The following TVP23C variants were observed in gnomAD, a reference collection of about 807,000 sequenced individuals.
TVP23C encodes Golgi apparatus membrane protein TVP23 homolog C.
TVP23C carries 19 observed loss-of-function variants against 28.7 expected under a neutral mutation model. The observed-to-expected ratio is 0.66, with a 90% CI of 0.46 to 0.97. TVP23C has a LOEUF of 0.97. Among genes scored for constraint, TVP23C ranks in the 50% least tolerant of loss-of-function variants. TVP23C has a pLI of 0.00. For missense variants in TVP23C, 186 were observed against 241.3 expected (o/e 0.77, Z 1.52); for synonymous variants, 68 against 81.7 (o/e 0.83, Z 0.90).
Position 15,505,774 on chromosome 17 carries a change from CG to C in TVP23C, c.463-2543del, listed in dbSNP as rs561902377. On this transcript the variant is annotated intron_variant, in intron 5 of 5. Coordinates refer to the TVP23C transcript ENST00000225576. Reference sequence around the variant, plus strand: ...GAGTTCCGGGTGGGCGTGGGCTTGGCGGGCCCCGCACTCGGAGCAGCCGGCC... The same window carrying C: ...GAGTTCCGGGTGGGCGTGGGCTTGGCGGCCCCGCACTCGGAGCAGCCGGCC... Among the ~76,000 whole-genome samples, 247 of 148,642 alleles carry C rather than the reference CG, an allele frequency of 1.7e-3. 1 individual carries two copies. The highest frequency in any genetic ancestry group is 5.5e-3 in the African/African-American group (221 of 40,136).
At chr17:15,507,482 A>T in intron 5 of TVP23C, 1 of 419,084 alleles carries the variant, frequency 2.4e-6, no homozygotes, top group South Asian at 2.6e-5. Flanking sequence ...TTTGGGTTCC[A>T]TGTTTTCCTT....
chr17:15,536,391 T>C (rs556919953), downstream of TVP23C, among the ~76,000 whole-genome samples: 4 of 152,310 alleles, frequency 2.6e-5, no homozygotes, highest in South Asian at 6.2e-4. Flanking sequence ...CTTTTAAGGA[T>C]ACTTCCTGGA....
intron 5 of TVP23C, among the ~76,000 whole-genome samples, chr17:15,526,765 A>G (rs1378688549): frequency 1.3e-5 from 2 of 152,188 alleles, no homozygotes; most frequent in African/African-American, 4.8e-5. Context: ...GGGCTTGGGG[A>G]GAAAGGCAAC....
At chr17:15,505,809 T>G (rs1256687216) in intron 5 of TVP23C, among the ~76,000 whole-genome samples, 1 of 152,172 alleles carries the variant, frequency 6.6e-6, no homozygotes. Flanking sequence ...CCAGCCCTGC[T>G]GCCCCGGGCA....
At chr17:15,521,575 G>C (rs1465000916) in intron 5 of TVP23C, among the ~76,000 whole-genome samples, 6 of 152,140 alleles carry the variant, frequency 3.9e-5, no homozygotes, top group Non-Finnish European at 8.8e-5. Flanking sequence ...TATTCAAATA[G>C]AGAAATGTAA....
downstream of TVP23C, among the ~76,000 whole-genome samples, chr17:15,536,331 A>G (rs568053329): frequency 2.6e-5 from 4 of 152,234 alleles, no homozygotes; most frequent in Admixed American, 6.5e-5. Context: ...AGTTTCTGCT[A>G]TTGTGTCTAC....
chr17:15,531,498 C>G (rs951614622), intron 5 of TVP23C, among the ~76,000 whole-genome samples: 2 of 152,070 alleles, frequency 1.3e-5, no homozygotes, highest in Admixed American at 1.3e-4. Flanking sequence ...TTTTTTCTTT[C>G]TGTTCCTCGG....
At chr17:15,526,382 TC>T (rs1047513191) in intron 5 of TVP23C, among the ~76,000 whole-genome samples, 21 of 152,172 alleles carry the variant, frequency 1.4e-4, no homozygotes. Flanking sequence ...AAGCTACTGA[TC>T]CCCCAATCCT....
At chr17:15,524,668 A>C (rs1309397989) in intron 5 of TVP23C, among the ~76,000 whole-genome samples, 1 of 152,018 alleles carries the variant, frequency 6.6e-6, no homozygotes, top group Non-Finnish European at 1.5e-5. Flanking sequence ...CCTCTTCTCC[A>C]TCCCTCTGTT....
intron 5 of TVP23C, among the ~76,000 whole-genome samples, chr17:15,509,299 A>G (rs1412811902): frequency 2.6e-5 from 4 of 152,184 alleles, no homozygotes; most frequent in Admixed American, 2.6e-4. Context: ...AGCCCACATA[A>G]ACCCCTTAGT....
Position 15,545,824 on chromosome 17 carries a change from A to G in TVP23C, c.423T>C (p.Phe141=). The G allele has an allele frequency of 6.2e-7, 1 of 1,614,146 alleles. No homozygotes were observed. Among genetic ancestry groups the G allele is most frequent in the Non-Finnish European group, 8.5e-7 (1 of 1,180,000 alleles). ...LIACSVLWVI[F]AFSALFSFTV... The stretch of plus-strand genomic sequence containing the variant: ...TGAAGGAGAAGAGTGCACTAAAGGC[A>G]AATATCACCCACAGTACTGAACAGG... The change falls in exon 5 of 6, where the codon TTT becomes TTC. Residue 141 remains phenylalanine, a synonymous_variant. Transcript: ENST00000518321.
At chr17:15,561,865 G>A (rs1166043278) in intron 1 of TVP23C, among the ~76,000 whole-genome samples, 1 of 152,130 alleles carries the variant, frequency 6.6e-6, no homozygotes, top group Non-Finnish European at 1.5e-5. Context: ...CAAAATACAG[G>A]TCATAAAGAC....
chr17:15,563,469 G>C lies in TVP23C; in HGVS notation c.-21C>G, dbSNP rs377260184. 8.5e-4 allele frequency: 1,339 copies of C among 1,580,906 alleles called. 16 individuals carry two copies. In the African/African-American group the frequency reaches 0.016, roughly 19 times the overall value. On this transcript the variant is annotated 5_prime_UTR_variant, in exon 1 of 6. Coordinates refer to ENST00000518321, the MANE Select transcript of TVP23C (RefSeq NM_001135036.2). ...AACATGGCGGCCCTACGCCAGCCCTGCTTCCAGGAGCCACGTCAGCGCAGC... is the reference window on the plus strand; with the variant it reads ...AACATGGCGGCCCTACGCCAGCCCTCCTTCCAGGAGCCACGTCAGCGCAGC...
In TVP23C at chr17:15,538,361, AGGGTG is replaced by A. The variant is rs1983248676; in HGVS notation, c.*2046_*2050del. 2.3e-6 allele frequency: 2 copies of A among 852,544 alleles called. No homozygotes were observed. The highest frequency in any genetic ancestry group is 1.4e-6 in the Non-Finnish European group (1 of 709,202). 52.8% of individuals were successfully genotyped at this position (852,544 alleles called of 1,614,324 possible). On this transcript the variant is annotated 3_prime_UTR_variant, in exon 6 of 6. Transcript: ENST00000518321. Reference sequence around the variant, plus strand: ...ATCCCAGCACTTTGGGAGGCCGAGGAGGGTGGATCATGAGGTCAGGAGATCGAGAC... The same window carrying A: ...ATCCCAGCACTTTGGGAGGCCGAGGAGATCATGAGGTCAGGAGATCGAGAC...
chr17:15,522,520 A>C (rs555387579), intron 5 of TVP23C, among the ~76,000 whole-genome samples: 74 of 152,346 alleles, frequency 4.9e-4, no homozygotes, highest in African/African-American at 1.7e-3. Flanking sequence ...GTGCTGATAC[A>C]ACTGGCTGTC....
intron 5 of TVP23C, among the ~76,000 whole-genome samples, chr17:15,515,144 T>C (rs1248459071): frequency 6.6e-6 from 1 of 151,974 alleles, no homozygotes; most frequent in Non-Finnish European, 1.5e-5. Flanking sequence ...CTGACAGATG[T>C]GAGAGCAAGA....
intron 5 of TVP23C, chr17:15,507,365 C>T (rs779827506): frequency 2.6e-5 from 18 of 702,550 alleles, no homozygotes; most frequent in Non-Finnish European, 4.4e-5. Flanking sequence ...GTTTCACTTA[C>T]GCTTTATCTT....
At chr17:15,550,844 G>A (rs147794554) in intron 3 of TVP23C, among the ~76,000 whole-genome samples, 1 of 151,998 alleles carries the variant, frequency 6.6e-6, no homozygotes, top group Non-Finnish European at 1.5e-5. Flanking sequence ...TTTTTCTAAT[G>A]TCATTAATTT....
Position 15,545,803 on chromosome 17 carries a change from G to A in TVP23C, c.444C>T (p.Ser148=). 6.2e-7 allele frequency: 1 copy of A among 1,613,752 alleles called. No individual in the cohort carries two copies. Among genetic ancestry groups the A allele is most frequent in the Non-Finnish European group, 8.5e-7 (1 of 1,179,912 alleles). Residue 148 remains serine, a synonymous_variant, in exon 5 of 6, where the codon TCC becomes TCT. Transcript: ENST00000518321. ...TACTCACCAGCCACTTTACTGTGAA[G>A]GAGAAGAGTGCACTAAAGGCAAATA... is the stretch of plus-strand genomic sequence containing the variant. ...WVIFAFSALF[S]FTVKWLAVVI... is the part of the protein sequence containing the mutation.
Sources: gnomAD v4.1 joint callset for allele counts (sites outside exome capture counted in the v4.1 genomes callset) on GRCh38, gnomAD v4.1.1 for gene constraint, MANE v1.5 for transcripts, NCBI Gene and HGNC (gene_info 2026-07-23, HGNC 2026-07-21) for gene names.